Variants in KIRREL3 observed in about 807,000 individuals in gnomAD.
The protein encoded by KIRREL3 is kirre like nephrin family adhesion molecule 3.
Under a neutral mutation model 89.7 loss-of-function variants are expected in KIRREL3, and 36 were observed. The observed-to-expected ratio is 0.40, with a 90% confidence interval of 0.31 to 0.53. The LOEUF is 0.53. Ranked by LOEUF, KIRREL3 falls within the 20% of genes least tolerant of loss-of-function variation. KIRREL3 has a pLI of 0.49. For missense variants in KIRREL3, 864 were observed against 1,056.6 expected (o/e 0.82, Z 2.53); for synonymous variants, 445 against 441.4 (o/e 1.01, Z -0.10).
intron 1 of KIRREL3, among the ~76,000 whole-genome samples, chr11:126,741,668 T>A (rs767603829): frequency 1.3e-5 from 2 of 152,224 alleles, no homozygotes; most frequent in African/African-American, 4.8e-5. Flanking sequence ...CAAATCAGAC[T>A]CTTGTGCATA....
chr11:126,749,454 C>T (rs1473215537), intron 1 of KIRREL3, among the ~76,000 whole-genome samples: 1 of 152,132 alleles, frequency 6.6e-6, no homozygotes, highest in African/African-American at 2.4e-5. Flanking sequence ...CCCATCCTCG[C>T]CGGTTTGCTC....
In KIRREL3 at chr11:126,574,425, G is replaced by C. The variant is rs1368722689; in HGVS notation, c.56-11513C>G. The stretch of plus-strand genomic sequence containing the variant: ...GGGCAAAGGAGAGCATGATGGCTTT[G>C]AGTATGGAATCAACCTCAAACAGGT... On this transcript the variant is annotated intron_variant, in intron 1 of 16. Transcript: ENST00000525144. This position sits in a 1 kb window ranked among gnomAD's most constrained non-coding sequence, Gnocchi z 5.3. 6.6e-6 allele frequency among the ~76,000 whole-genome samples: 1 copy of C among 152,212 alleles called. No individual in the cohort carries two copies. The highest frequency in any genetic ancestry group is 2.4e-5 in the African/African-American group (1 of 41,468).
chr11:126,750,960 A>T lies in KIRREL3; in HGVS notation c.56-188048T>A, dbSNP rs933731311. On this transcript the variant is annotated intron_variant, in intron 1 of 16. Transcript: ENST00000525144. This position sits in a 1 kb window ranked among gnomAD's most constrained non-coding sequence, Gnocchi z 4.2. ...TTATAGATTTTTATAAATCCAATTA[A>T]GTTTATTATCTTAATATGATCTTGT... Among the ~76,000 whole-genome samples, 1 of 152,240 alleles carries T rather than the reference A, an allele frequency of 6.6e-6. No homozygotes were observed. The highest frequency in any genetic ancestry group is 2.4e-5 in the African/African-American group (1 of 41,472).
Position 126,551,818 on chromosome 11 carries a change from G to C in KIRREL3, c.133+11017C>G, listed in dbSNP as rs1248820466. On this transcript the variant is annotated intron_variant, in intron 2 of 16. Coordinates refer to ENST00000525144, the MANE Select transcript of KIRREL3 (RefSeq NM_032531.4). The surrounding 1 kb of genome is among the most constrained non-coding windows in gnomAD (Gnocchi z 4.9). Reference sequence around the variant, plus strand: ...GCGCCACCATGCCCGACTAATTTTTGTATTTTTAGTAGAGATGGGGTTTCA... The same window carrying C: ...GCGCCACCATGCCCGACTAATTTTTCTATTTTTAGTAGAGATGGGGTTTCA... 2.0e-5 allele frequency among the ~76,000 whole-genome samples: 3 copies of C among 152,106 alleles called. No individual in the cohort carries two copies. Among genetic ancestry groups the C allele is most frequent in the Non-Finnish European group, 2.9e-5 (2 of 68,014 alleles).
At chr11:126,959,547 G>A (rs565889380) in intron 1 of KIRREL3, among the ~76,000 whole-genome samples, 1 of 152,270 alleles carries the variant, frequency 6.6e-6, no homozygotes, top group Admixed American at 6.5e-5. Context: ...CCACACTTAT[G>A]TTGGAAAATT....
intron 1 of KIRREL3, among the ~76,000 whole-genome samples, chr11:126,815,026 T>C (rs1378266493): frequency 6.6e-6 from 1 of 152,168 alleles, no homozygotes; most frequent in East Asian, 1.9e-4. Context: ...GATTCATCAT[T>C]GACATGCAGA....
intron 1 of KIRREL3, among the ~76,000 whole-genome samples, chr11:126,767,377 C>A (rs1949857615): frequency 6.6e-6 from 1 of 152,192 alleles, no homozygotes; most frequent in Non-Finnish European, 1.5e-5. Flanking sequence ...CCACCCTGAG[C>A]TCTTGCCTCA....
rs1176974154 is a variant in KIRREL3 at position 126,783,152 on chromosome 11, G to A, written c.55+217303C>T. Among the ~76,000 whole-genome samples the A allele has an allele frequency of 4.6e-5, 7 of 152,314 alleles. No homozygotes were observed. The highest frequency in any genetic ancestry group is 3.4e-3 in the Middle Eastern group (1 of 294). ...AAAATTAAGGTGTCTGCAGAGCCAT[G>A]CTTCCCCTGAAACCTGGAGGAGAGA... On this transcript the variant is annotated intron_variant, in intron 1 of 16. Transcript: ENST00000525144. This position sits in a 1 kb window ranked among gnomAD's most constrained non-coding sequence, Gnocchi z 4.3.
chr11:126,786,629 T>C (rs550686095), intron 1 of KIRREL3, among the ~76,000 whole-genome samples: 36 of 152,228 alleles, frequency 2.4e-4, no homozygotes, highest in Non-Finnish European at 4.0e-4. Context: ...GGAAACTTTT[T>C]CTTATCAAAA....
intron 1 of KIRREL3, among the ~76,000 whole-genome samples, chr11:126,632,345 T>G (rs1944065628): frequency 6.6e-6 from 1 of 152,234 alleles, no homozygotes; most frequent in African/African-American, 2.4e-5. Flanking sequence ...CTTCACTGAC[T>G]GTGGTGTGAC....
Position 126,436,875 on chromosome 11 carries a change from G to A in KIRREL3, c.1488C>T (p.Ile496=). The A allele has an allele frequency of 1.2e-6, 2 of 1,613,742 alleles. No individual in the cohort carries two copies. The highest frequency in any genetic ancestry group is 2.2e-5 in the South Asian group (2 of 91,062). ...SNIVRADFQT[I]YNCTAWNSFG... is the part of the protein sequence containing the mutation. ...AGCTGTTCCAGGCCGTGCAGTTGTA[G>A]ATGGTCTGGAAGTCGGCCCGCACGA... The change falls in exon 12 of 17, where the codon ATC becomes ATT. Residue 496 remains isoleucine, a synonymous_variant. Coordinates refer to ENST00000525144, the MANE Select transcript of KIRREL3 (RefSeq NM_032531.4).
intron 4 of KIRREL3, among the ~76,000 whole-genome samples, chr11:126,510,005 AAAAAAAAAAAAAAGAAAAAAG>A (rs1288420300): frequency 4.0e-5 from 6 of 150,432 alleles, no homozygotes; most frequent in Non-Finnish European, 7.4e-5. Flanking sequence ...AAAAAAAAAA[AAAAAAAAAAAAAAGAAAAAAG>A]AAAAAAAGAA....
chr11:126,612,827 G>A lies in KIRREL3; in HGVS notation c.56-49915C>T, dbSNP rs1338617862. On this transcript the variant is annotated intron_variant, in intron 1 of 16. Coordinates refer to ENST00000525144, the MANE Select transcript of KIRREL3 (RefSeq NM_032531.4). The surrounding 1 kb of genome is among the most constrained non-coding windows in gnomAD (Gnocchi z 4.5). ...ACATGCATCAGTACTTTATTCCTTT[G>A]TATGGGTGAGTAACATTCCATGGCA... 6.6e-6 allele frequency among the ~76,000 whole-genome samples: 1 copy of A among 152,186 alleles called. No individual in the cohort carries two copies. The highest frequency in any genetic ancestry group is 2.4e-5 in the African/African-American group (1 of 41,440).
At chr11:126,470,687 G>A (rs1299170769) in intron 5 of KIRREL3, among the ~76,000 whole-genome samples, 1 of 152,182 alleles carries the variant, frequency 6.6e-6, no homozygotes, top group Non-Finnish European at 1.5e-5. Flanking sequence ...CCTGAGGCGA[G>A]CGGGCGTTCT....
intron 1 of KIRREL3, among the ~76,000 whole-genome samples, chr11:126,798,940 A>G (rs1222776458): frequency 6.6e-6 from 1 of 152,210 alleles, no homozygotes; most frequent in Admixed American, 6.5e-5. Context: ...GCCACAGAGG[A>G]GCACATGCAG....
rs1565624854 is a variant in KIRREL3, at chr11:126,656,406, ATAT to A, written c.56-93497_56-93495del. Reference sequence around the variant, plus strand: ...TATGTTTTGGCAAGAAAATAGAATAATATTATTATTGGAGTCTCTGGAAAACCT... The same window carrying A: ...TATGTTTTGGCAAGAAAATAGAATAATATTATTGGAGTCTCTGGAAAACCT... On this transcript the variant is annotated intron_variant, in intron 1 of 16. Coordinates refer to ENST00000525144, the MANE Select transcript of KIRREL3 (RefSeq NM_032531.4). The surrounding 1 kb of genome is among the most constrained non-coding windows in gnomAD (Gnocchi z 4.0). Among the ~76,000 whole-genome samples the A allele has an allele frequency of 6.6e-6, 1 of 152,230 alleles. No individual in the cohort carries two copies. The highest frequency in any genetic ancestry group is 1.9e-4 in the East Asian group (1 of 5,194).
chr11:126,971,460 G>A (rs921164784), intron 1 of KIRREL3, among the ~76,000 whole-genome samples: 10 of 152,140 alleles, frequency 6.6e-5, no homozygotes, highest in Non-Finnish European at 1.5e-4. Flanking sequence ...GTTCTGTTCG[G>A]GGTGTTGTCT....
chr11:126,579,229 T>C lies in KIRREL3; in HGVS notation c.56-16317A>G, dbSNP rs1941415006. Among the ~76,000 whole-genome samples, 1 of 152,050 alleles carries C rather than the reference T, an allele frequency of 6.6e-6. No homozygotes were observed. Among genetic ancestry groups the C allele is most frequent in the African/African-American group, 2.4e-5 (1 of 41,398 alleles). ...CCCCAGGGAGTTCCACCAAGAGCCT[T>C]AGGATTTATCATGTGGGAGGGTAGT... On this transcript the variant is annotated intron_variant, in intron 1 of 16. Coordinates refer to ENST00000525144, the MANE Select transcript of KIRREL3 (RefSeq NM_032531.4). The surrounding 1 kb of genome is among the most constrained non-coding windows in gnomAD (Gnocchi z 5.3).
Position 126,498,138 on chromosome 11 carries a change from A to C in KIRREL3, c.433+23177T>G, listed in dbSNP as rs1957733638. On this transcript the variant is annotated intron_variant, in intron 4 of 16. Transcript: ENST00000525144. This position sits in a 1 kb window ranked among gnomAD's most constrained non-coding sequence, Gnocchi z 4.3. ...GCTCTACTGCATCACACTGGTCTGG[A>C]CCAAGCTGATTGAGTGAAAGGGGGC... Among the ~76,000 whole-genome samples the C allele has an allele frequency of 6.6e-6, 1 of 152,222 alleles. No individual in the cohort carries two copies. The highest frequency in any genetic ancestry group is 1.5e-5 in the Non-Finnish European group (1 of 68,028).
Sources: gnomAD v4.1 joint callset for allele counts (sites outside exome capture counted in the v4.1 genomes callset) on GRCh38, gnomAD v4.1.1 for gene constraint, Gnocchi (gnomAD v3.1) non-coding constraint, MANE v1.5 for transcripts, NCBI Gene and HGNC (gene_info 2026-07-23, HGNC 2026-07-21) for gene names.